The following CEP20 variants were observed in gnomAD, a reference collection of about 807,000 sequenced individuals.
The protein encoded by CEP20 is FGFR1OP N-terminal like.
CEP20 carries 18 observed loss-of-function variants against 20.0 expected under a neutral mutation model. That is an observed-to-expected ratio of 0.90 (90% confidence interval 0.62 to 1.34). The LOEUF is 1.34. CEP20 is among the 40% of genes most tolerant of loss of function. The pLI is 0.00. For synonymous variants in CEP20, 77 were observed against 73.7 expected, an observed-to-expected ratio of 1.04 and a Z score of -0.23; for missense variants, 215 against 201.6, an observed-to-expected ratio of 1.07 and a Z score of -0.40.
chr16:15,882,670 T>C (rs190216297), intron 2 of CEP20, among the ~76,000 whole-genome samples: 115 of 152,290 alleles, frequency 7.6e-4, no homozygotes, highest in African/African-American at 2.1e-3. Context: ...TTTAGATACA[T>C]ACATTTGTAA....
chr16:15,879,649 ATC>A (rs1356073642), intron 3 of CEP20, among the ~76,000 whole-genome samples, 153 bp downstream of exon 3: 17 of 152,294 alleles, frequency 1.1e-4, no homozygotes, highest in African/African-American at 3.1e-4. Flanking sequence ...CACAGATCTC[ATC>A]TGACTTATTC....
intron 3 of CEP20, chr16:15,877,042 C>T (rs7190933): frequency 0.037 from 5,562 of 152,030 alleles, 338 homozygotes; most frequent in African/African-American, 0.12. Context: ...TTAGCAGAGA[C>T]GGGGTTTCAC....
chr16:15,874,459 C>T (rs2151423307), intron 3 of CEP20, among the ~76,000 whole-genome samples: 1 of 152,220 alleles, frequency 6.6e-6, no homozygotes, highest in Non-Finnish European at 1.5e-5. Flanking sequence ...AAAGTTTACA[C>T]TTGAACCCCA....
chr16:15,882,840 GAC>G (rs1337287962), intron 2 of CEP20: 5 of 150,456 alleles, frequency 3.3e-5, no homozygotes, highest in African/African-American at 7.4e-5. Flanking sequence ...TATAGACAGG[GAC>G]AGTTTTTTTT....
At chr16:15,882,762 T>TACACACA (rs1312550555) in intron 2 of CEP20, among the ~76,000 whole-genome samples, 4 of 118,676 alleles carry the variant, frequency 3.4e-5, no homozygotes, top group African/African-American at 1.4e-4. Flanking sequence ...TATCTATCTA[T>TACACACA]CTATCTATCT....
rs1422949092 is a variant in CEP20, at chr16:15,867,215, CA to C, written c.*224del. On this transcript the variant is annotated 3_prime_UTR_variant, in exon 5 of 5. Coordinates refer to ENST00000255759, the MANE Select transcript of CEP20 (RefSeq NM_144600.4). ...AGAGCGAGACTCCATCTCAAAAAAA[CA>C]AAAAATACTTCGTAAAAACAATACT... 3 of 392,822 alleles carry C rather than the reference CA, an allele frequency of 7.6e-6. No individual in the cohort carries two copies. Among genetic ancestry groups the C allele is most frequent in the Non-Finnish European group, 1.4e-5 (3 of 220,922 alleles). The allele number at this position is 392,822 out of a possible 1,614,324, so 24.3% of individuals were successfully genotyped here.
chr16:15,868,995 G>A (rs1436549892), intron 4 of CEP20, among the ~76,000 whole-genome samples: 2 of 151,642 alleles, frequency 1.3e-5, no homozygotes, highest in Non-Finnish European at 2.9e-5. Context: ...CTGGGCCTGT[G>A]AGGTCAAGGC....
Position 15,873,601 on chromosome 16 carries a change from T to C in CEP20, c.338A>G (p.His113Arg), listed in dbSNP as rs1326091207. Residue 113 changes from histidine to arginine, a missense_variant, in exon 4 of 5, where the codon CAT (histidine) becomes CGT (arginine). Transcript: ENST00000255759. Reference protein sequence around the residue: ...TIPLLYGILAHFLRGTKDGIQ... With the variant: ...TIPLLYGILARFLRGTKDGIQ... ...GCCATCCTTAGTTCCACGCAAGAAA[T>C]GGGCTAAAATCCCATATAAAAGAGG... is the stretch of plus-strand genomic sequence containing the variant. 2 of 1,613,850 alleles carry C rather than the reference T, an allele frequency of 1.2e-6. No homozygotes were observed. The highest frequency in any genetic ancestry group is 1.7e-6 in the Non-Finnish European group (2 of 1,179,850).
intron 1 of CEP20, among the ~76,000 whole-genome samples, chr16:15,884,490 T>C (rs959860473): frequency 6.7e-6 from 1 of 148,966 alleles, no homozygotes; most frequent in Non-Finnish European, 1.5e-5. Context: ...CTAATACATA[T>C]TCTTTTTTAT....
rs1455398140 is a variant in CEP20 at position 15,866,623 on chromosome 16, T to C, written c.*817A>G. On this transcript the variant is annotated 3_prime_UTR_variant, in exon 5 of 5. Coordinates refer to ENST00000255759, the MANE Select transcript of CEP20 (RefSeq NM_144600.4). ...GGCCCTCTTCTGGCTCATCTGTGATTGCACAACCGAGGGCCACACGGAGAT... is the reference window on the plus strand; with the variant it reads ...GGCCCTCTTCTGGCTCATCTGTGATCGCACAACCGAGGGCCACACGGAGAT... The C allele has an allele frequency of 2.0e-5, 3 of 152,252 alleles. No individual in the cohort carries two copies. In the East Asian group the frequency reaches 5.8e-4, roughly 29 times the overall value. The allele number at this position is 152,252 out of a possible 1,614,324, so 9.4% of individuals were successfully genotyped here.
In CEP20 at chr16:15,866,361, T is replaced by C. The variant is rs2044678605; in HGVS notation, c.*1079A>G. 6.6e-6 allele frequency: 1 copy of C among 152,210 alleles called. No individual in the cohort carries two copies. The highest frequency in any genetic ancestry group is 1.5e-5 in the Non-Finnish European group (1 of 68,034). 9.4% of individuals were successfully genotyped at this position (152,210 alleles called of 1,614,324 possible). Reference sequence around the variant, plus strand: ...ACCTTTAAGCTAAATGTTGTCAGTGTTTAGGTGTGCAGGCAAAATTTAATT... The same window carrying C: ...ACCTTTAAGCTAAATGTTGTCAGTGCTTAGGTGTGCAGGCAAAATTTAATT... On this transcript the variant is annotated 3_prime_UTR_variant, in exon 5 of 5. Coordinates refer to ENST00000255759, the MANE Select transcript of CEP20 (RefSeq NM_144600.4).
At chr16:15,881,944 T>C (rs953337772) in intron 2 of CEP20, among the ~76,000 whole-genome samples, 3 of 152,130 alleles carry the variant, frequency 2.0e-5, no homozygotes, top group African/African-American at 4.8e-5. Flanking sequence ...GTCTGGATAT[T>C]TGTCTCCGCC....
chr16:15,883,316 T>C (rs1211001484), intron 2 of CEP20, among the ~76,000 whole-genome samples: 6 of 152,040 alleles, frequency 3.9e-5, no homozygotes, highest in African/African-American at 1.4e-4. Flanking sequence ...TAAGCCATGA[T>C]CGCACCACTG....
At position 15,879,874 on chromosome 16, in the gene CEP20, C is replaced by T. The variant is rs143318149; in HGVS notation, c.241G>A (p.Val81Ile). Residue 81 changes from valine (V) to isoleucine (I), a missense_variant, in exon 3 of 5, where the codon GTA becomes ATA. Transcript: ENST00000255759. Reference sequence around the variant, plus strand: ...AGAAACTGTCTGTCCAACGGAACTACAGGTTGACCAGATTCTGGGAGAAAT... The same window carrying T: ...AGAAACTGTCTGTCCAACGGAACTATAGGTTGACCAGATTCTGGGAGAAAT... ...SVLIAESGQP[V>I]VPLDRQFLIH... 1.5e-3 allele frequency: 2,379 copies of T among 1,581,570 alleles called. 2 individuals carry two copies. Among genetic ancestry groups the T allele is most frequent in the Non-Finnish European group, 1.9e-3 (2,246 of 1,170,570 alleles).
At chr16:15,886,659 CTCTA>C (rs2045254630) in intron 1 of CEP20, among the ~76,000 whole-genome samples, 1 of 152,160 alleles carries the variant, frequency 6.6e-6, no homozygotes. Context: ...AAATAATGAG[CTCTA>C]CCTCTCAGAG....
At chr16:15,886,906 T>G (rs1301926214) in intron 1 of CEP20, among the ~76,000 whole-genome samples, 2 of 98,094 alleles carry the variant, frequency 2.0e-5, no homozygotes, top group East Asian at 3.3e-4. Flanking sequence ...TTTTAATTTG[T>G]TTTTTTTTTT....
intron 1 of CEP20, among the ~76,000 whole-genome samples, chr16:15,885,248 C>T (rs777298724): frequency 9.3e-5 from 14 of 151,212 alleles, no homozygotes; most frequent in Admixed American, 1.3e-4. Flanking sequence ...GTGGAGGGTG[C>T]AGTGAGCTGA....
In CEP20 at chr16:15,867,301, G is replaced by C; in HGVS notation, c.*139C>G. 1 of 510,236 alleles carries C rather than the reference G, an allele frequency of 2.0e-6. No individual in the cohort carries two copies. Among genetic ancestry groups the C allele is most frequent in the Non-Finnish European group, 3.4e-6 (1 of 295,064 alleles). The allele number at this position is 510,236 out of a possible 1,614,324, so 31.6% of individuals were successfully genotyped here. A position where few individuals can be genotyped will look rare whatever the true frequency, so the allele number is the denominator to read the frequency against. ...CAAGAGTTAGCTTTTATTCACAAAT[G>C]TAGTTAAACATGAGGGGTGTTTTGT... is the stretch of plus-strand genomic sequence containing the variant. On this transcript the variant is annotated 3_prime_UTR_variant, in exon 5 of 5. Coordinates refer to ENST00000255759, the MANE Select transcript of CEP20 (RefSeq NM_144600.4).
At chr16:15,884,334 T>C (rs1291412439) in intron 1 of CEP20, 129 bp from the exon 2 acceptor site, 1 of 730,176 alleles carries the variant, frequency 1.4e-6, no homozygotes, top group Non-Finnish European at 2.2e-6. Flanking sequence ...AATCTAAACA[T>C]TGTGACAAAT....
Sources: allele counts gnomAD v4.1 joint callset (sites outside exome capture counted in the v4.1 genomes callset), GRCh38; gene constraint gnomAD v4.1.1; transcripts MANE v1.5; gene names NCBI Gene and HGNC (gene_info 2026-07-23, HGNC 2026-07-21).